The following DTNB variants were observed in gnomAD, a reference collection of about 807,000 sequenced individuals.
DTNB encodes DTN-B.
A neutral mutation model predicts 90.7 loss-of-function variants in DTNB; 63 were observed. The observed-to-expected ratio is 0.69, with a 90% CI of 0.57 to 0.86. The LOEUF (loss-of-function observed/expected upper bound fraction) is 0.86. Among genes scored for constraint, DTNB ranks in the 40% least tolerant of loss-of-function variants. The probability of loss-of-function intolerance (pLI) is 0.00; values close to 1 mark genes in which losing one functional copy is unlikely to be tolerated. For missense variants in DTNB, 744 were observed against 807.1 expected (o/e 0.92, Z 0.95); for synonymous variants, 277 against 286.7 (o/e 0.97, Z 0.34).
At chr2:25,636,508 G>A (rs1254303516) in intron 3 of DTNB, among the ~76,000 whole-genome samples, 1 of 152,144 alleles carries the variant, frequency 6.6e-6, no homozygotes, top group Non-Finnish European at 1.5e-5. Flanking sequence ...TTATAAAAAC[G>A]AGAGTTGTTC....
intron 2 of DTNB, among the ~76,000 whole-genome samples, chr2:25,645,451 AT>A (rs200230410): frequency 8.6e-5 from 13 of 150,384 alleles, no homozygotes; most frequent in African/African-American, 2.2e-4. Context: ...TAAAAAAGAG[AT>A]TTTTTTTTTA....
intron 2 of DTNB, among the ~76,000 whole-genome samples, chr2:25,652,045 G>A (rs1186826508): frequency 6.6e-6 from 1 of 152,190 alleles, no homozygotes; most frequent in African/African-American, 2.4e-5. Flanking sequence ...AAACAATCCT[G>A]CAAGGATTGG....
intron 1 of DTNB, among the ~76,000 whole-genome samples, chr2:25,656,347 T>G (rs2082063193): frequency 6.6e-6 from 1 of 152,198 alleles, no homozygotes. Context: ...TTTTAACAGT[T>G]CCATACCTAA....
At chr2:25,586,754 A>C in intron 6 of DTNB, among the ~76,000 whole-genome samples, 1 of 152,164 alleles carries the variant, frequency 6.6e-6, no homozygotes, top group East Asian at 1.9e-4. Context: ...TGGAATCTGA[A>C]GCCTTTTTTG....
intron 3 of DTNB, among the ~76,000 whole-genome samples, chr2:25,635,674 G>GA: frequency 6.6e-6 from 1 of 151,926 alleles, no homozygotes; most frequent in Non-Finnish European, 1.5e-5. Context: ...AATTATACTT[G>GA]AAAAAAGAAA....
At chr2:25,589,956 G>T (rs142848208) in intron 6 of DTNB, among the ~76,000 whole-genome samples, 1 of 152,192 alleles carries the variant, frequency 6.6e-6, no homozygotes, top group African/African-American at 2.4e-5. Flanking sequence ...TGTGGGGTCC[G>T]GCCACTATGC....
At chr2:25,555,578 A>T (rs997862154) in intron 8 of DTNB, among the ~76,000 whole-genome samples, 31 of 152,318 alleles carry the variant, frequency 2.0e-4, no homozygotes, top group African/African-American at 7.5e-4. Flanking sequence ...TAAATAAGAA[A>T]AATAATAAAC....
At chr2:25,595,323 G>A (rs188984518) in intron 6 of DTNB, 3 of 152,176 alleles carry the variant, frequency 2.0e-5, no homozygotes, top group East Asian at 1.9e-4. Flanking sequence ...AATATCTTAT[G>A]GGGAGATACT....
chr2:25,521,556 A>AT (rs1293382203), intron 9 of DTNB, among the ~76,000 whole-genome samples: 1 of 151,436 alleles, frequency 6.6e-6, no homozygotes, highest in African/African-American at 2.4e-5. Flanking sequence ...CCTAATTTTT[A>AT]TTTTTTTAGG....
At chr2:25,418,518 G>C (rs1375383195) in intron 16 of DTNB, among the ~76,000 whole-genome samples, 2 of 152,160 alleles carry the variant, frequency 1.3e-5, no homozygotes, top group South Asian at 4.2e-4. Context: ...GGCCAATATG[G>C]TGAAACCCTG....
intron 3 of DTNB, among the ~76,000 whole-genome samples, chr2:25,632,248 T>C (rs1318594906): frequency 6.9e-6 from 1 of 145,858 alleles, no homozygotes; most frequent in Non-Finnish European, 1.5e-5. Context: ...AAAGCAAATC[T>C]CAATAAATGT....
intron 9 of DTNB, among the ~76,000 whole-genome samples, chr2:25,494,549 A>G (rs1281166428): frequency 6.6e-6 from 1 of 152,100 alleles, no homozygotes; most frequent in Non-Finnish European, 1.5e-5. Context: ...AACTAAATTC[A>G]TAACCAACCT....
At chr2:25,413,050 A>C (rs2046977879) in intron 16 of DTNB, among the ~76,000 whole-genome samples, 1 of 152,220 alleles carries the variant, frequency 6.6e-6, no homozygotes, top group African/African-American at 2.4e-5. Flanking sequence ...CGATGCAAAT[A>C]ACTATAGATA....
intron 11 of DTNB, among the ~76,000 whole-genome samples, chr2:25,454,149 CAAAA>C (rs55676356): frequency 1.0e-5 from 1 of 99,362 alleles, no homozygotes; most frequent in Non-Finnish European, 2.1e-5. Context: ...GACTCTGTCT[CAAAA>C]AAAAAAAAAA....
At chr2:25,636,639 C>G (rs1164213571) in intron 3 of DTNB, among the ~76,000 whole-genome samples, 1 of 152,084 alleles carries the variant, frequency 6.6e-6, no homozygotes, top group Non-Finnish European at 1.5e-5. Context: ...TTTAAATCAT[C>G]ACAGAAATAT....
chr2:25,578,916 T>C (rs925826078), intron 7 of DTNB, among the ~76,000 whole-genome samples: 6 of 152,140 alleles, frequency 3.9e-5, no homozygotes, highest in Non-Finnish European at 5.9e-5. Flanking sequence ...TTTCTCACCA[T>C]TAAAATTAAG....
At chr2:25,562,974 T>A (rs1331930966) in intron 8 of DTNB, among the ~76,000 whole-genome samples, 2 of 152,080 alleles carry the variant, frequency 1.3e-5, no homozygotes, top group East Asian at 3.9e-4. Context: ...TTCACTGTGT[T>A]GGGCAGGCTG....
intron 16 of DTNB, among the ~76,000 whole-genome samples, chr2:25,401,874 G>A (rs1470152267): frequency 6.6e-6 from 1 of 152,220 alleles, no homozygotes; most frequent in African/African-American, 2.4e-5. Flanking sequence ...CCAGGTAGCA[G>A]ATGGCCTGTG....
intron 16 of DTNB, among the ~76,000 whole-genome samples, chr2:25,396,254 C>G (rs1025163086): frequency 1.3e-5 from 2 of 152,098 alleles, no homozygotes; most frequent in African/African-American, 4.8e-5. Context: ...CACTGGTCTG[C>G]AATCCCAGCA....
Sources: gnomAD v4.1 joint callset for allele counts (sites outside exome capture counted in the v4.1 genomes callset) on GRCh38, gnomAD v4.1.1 for gene constraint, MANE v1.5 for transcripts, NCBI Gene and HGNC (gene_info 2026-07-23, HGNC 2026-07-21) for gene names.